The following ATG4C variants were observed in gnomAD, a reference collection of about 807,000 sequenced individuals.
ATG4C encodes the protein autophagy related 4C cysteine peptidase.
A neutral mutation model predicts 57.6 loss-of-function variants in ATG4C; 56 were observed. The observed-to-expected ratio is 0.97, with a 90% confidence interval of 0.78 to 1.21. The LOEUF (loss-of-function observed/expected upper bound fraction) is 1.21. Ranked by LOEUF, ATG4C falls within the 50% of genes most tolerant of loss-of-function variation. The pLI is 0.00. For missense variants in ATG4C, 595 were observed against 529.8 expected, an observed-to-expected ratio of 1.12 and a Z score of -1.21; for synonymous variants, 157 against 174.1, an observed-to-expected ratio of 0.90 and a Z score of 0.78.
At chr1:62,809,645 G>GTA (rs1167154017) in intron 3 of ATG4C, among the ~76,000 whole-genome samples, 2 of 146,626 alleles carry the variant, frequency 1.4e-5, no homozygotes, top group East Asian at 2.0e-4. Context: ...ATACATATAT[G>GTA]TATATATATG....
intron 6 of ATG4C, among the ~76,000 whole-genome samples, chr1:62,826,639 A>C (rs1224207479): frequency 1.3e-5 from 2 of 150,956 alleles, no homozygotes; most frequent in Non-Finnish European, 2.9e-5. Context: ...CATGTACGCA[A>C]CGTGCAGGTT....
chr1:62,801,958 C>CA (rs60298362), intron 1 of ATG4C, among the ~76,000 whole-genome samples: 4,683 of 51,934 alleles, frequency 0.09, 640 homozygotes, highest in Non-Finnish European at 0.11. Context: ...ACTCTGTCTC[C>CA]AAAAAAAAAA....
intron 8 of ATG4C, 98 bp from the exon 9 acceptor site, chr1:62,834,678 C>G: frequency 1.1e-6 from 1 of 935,742 alleles, no homozygotes; most frequent in Non-Finnish European, 1.7e-6. Flanking sequence ...GCTGTTACTC[C>G]CAGATTTTTT....
chr1:62,806,016 T>C (rs1664868535), intron 3 of ATG4C, among the ~76,000 whole-genome samples: 2 of 152,208 alleles, frequency 1.3e-5, no homozygotes, highest in African/African-American at 4.8e-5. Context: ...TTGGTTGACC[T>C]ATTTTGGTAT....
chr1:62,819,501 C>T (rs540728431), intron 5 of ATG4C, among the ~76,000 whole-genome samples, 166 bp downstream of exon 5: 8 of 151,944 alleles, frequency 5.3e-5, no homozygotes, highest in Non-Finnish European at 7.4e-5. Flanking sequence ...AGACATATTG[C>T]GACTCTAGTT....
intron 10 of ATG4C, among the ~76,000 whole-genome samples, chr1:62,842,750 A>G (rs1300020244): frequency 6.6e-6 from 1 of 152,188 alleles, no homozygotes; most frequent in East Asian, 1.9e-4. Context: ...CAGGAAAATG[A>G]ATGAGGAAAG....
rs115112328 is a variant in ATG4C at position 62,805,648 on chromosome 1, G to A, written c.160+393G>A. On this transcript the variant is annotated intron_variant, in intron 3 of 10. Coordinates refer to ENST00000317868, the MANE Select transcript of ATG4C (RefSeq NM_032852.4). Reference sequence around the variant, plus strand: ...TTACTTGATGGTTTTGAATTTCTACGTATATTAATTCTTTCAAAAATTTTC... The same window carrying A: ...TTACTTGATGGTTTTGAATTTCTACATATATTAATTCTTTCAAAAATTTTC... 8.7e-3 allele frequency among the ~76,000 whole-genome samples: 1,330 copies of A among 152,050 alleles called. 28 individuals carry two copies. Among genetic ancestry groups the A allele is most frequent in the African/African-American group, 0.031 (1,268 of 41,472 alleles).
At chr1:62,863,202 C>CT (rs1401336928) in intron 10 of ATG4C, among the ~76,000 whole-genome samples, 6 of 151,398 alleles carry the variant, frequency 4.0e-5, no homozygotes, top group Non-Finnish European at 7.4e-5. Flanking sequence ...CTAGGTATTG[C>CT]TTTTTTTTGT....
intron 4 of ATG4C, among the ~76,000 whole-genome samples, chr1:62,818,342 T>C (rs1377897108): frequency 6.6e-6 from 1 of 152,168 alleles, no homozygotes; most frequent in African/African-American, 2.4e-5. Flanking sequence ...TGAAGATATC[T>C]TCTTATGAGT....
At chr1:62,811,597 C>T (rs1282287897) in intron 3 of ATG4C, among the ~76,000 whole-genome samples, 8 of 152,084 alleles carry the variant, frequency 5.3e-5, no homozygotes, top group Admixed American at 4.6e-4. Context: ...ATGCTATCAC[C>T]TGGCTAGCAT....
intron 10 of ATG4C, among the ~76,000 whole-genome samples, chr1:62,856,465 A>G (rs1252285646): frequency 6.6e-6 from 1 of 152,212 alleles, no homozygotes; most frequent in Non-Finnish European, 1.5e-5. Context: ...GCAATCCTCT[A>G]AGTACTTTAC....
chr1:62,792,158 G>A (rs763942798), intron 1 of ATG4C, among the ~76,000 whole-genome samples: 1 of 151,934 alleles, frequency 6.6e-6, no homozygotes, highest in Non-Finnish European at 1.5e-5. Context: ...CACCATGCCC[G>A]GCTAATTTTT....
At chr1:62,863,612 A>C (rs1416622586) in intron 10 of ATG4C, among the ~76,000 whole-genome samples, 1 of 152,018 alleles carries the variant, frequency 6.6e-6, no homozygotes, top group Non-Finnish European at 1.5e-5. Context: ...AGTCTTCTAC[A>C]ATATTTTATC....
chr1:62,804,765 A>G (rs1664802921), intron 2 of ATG4C, among the ~76,000 whole-genome samples: 1 of 152,238 alleles, frequency 6.6e-6, no homozygotes, highest in Admixed American at 6.5e-5. Context: ...TATTCATAAA[A>G]TAAGTGTGAA....
In ATG4C at chr1:62,831,413, T is replaced by C. The variant is rs562455159; in HGVS notation, c.933+2237T>C. 1.2e-4 allele frequency among the ~76,000 whole-genome samples: 19 copies of C among 152,324 alleles called. No individual in the cohort carries two copies. In the East Asian group the frequency reaches 3.1e-3, roughly 25 times the overall value. On this transcript the variant is annotated intron_variant, in intron 7 of 10. Transcript: ENST00000317868. ...GTGCGTTGGTGAGTCTAAAATGTAC[T>C]GTTCAGTTCTATTTTTCAAATTTAT...
chr1:62,827,491 CTCTT>C (rs986206041), intron 6 of ATG4C, among the ~76,000 whole-genome samples: 2 of 152,110 alleles, frequency 1.3e-5, no homozygotes, highest in African/African-American at 4.8e-5. Flanking sequence ...TCACTCTTCT[CTCTT>C]TGTTTTTTCA....
chr1:62,854,433 A>C (rs1483287801), intron 10 of ATG4C, among the ~76,000 whole-genome samples: 3 of 151,882 alleles, frequency 2.0e-5, no homozygotes, highest in African/African-American at 7.2e-5. Context: ...ACTTGCCACC[A>C]TGCCCGGCTA....
chr1:62,826,445 C>T (rs1665658360), intron 6 of ATG4C, among the ~76,000 whole-genome samples: 1 of 149,248 alleles, frequency 6.7e-6, no homozygotes, highest in Non-Finnish European at 1.5e-5. Flanking sequence ...ACCATGTAAG[C>T]CAGGATGGTC....
intron 6 of ATG4C, among the ~76,000 whole-genome samples, chr1:62,827,381 A>G (rs1665697392): frequency 6.6e-6 from 1 of 152,038 alleles, no homozygotes; most frequent in South Asian, 2.1e-4. Context: ...TGTCTGTATT[A>G]CTTGGTTTCT....
Sources: allele counts gnomAD v4.1 joint callset (sites outside exome capture counted in the v4.1 genomes callset), GRCh38; gene constraint gnomAD v4.1.1; transcripts MANE v1.5; gene names NCBI Gene and HGNC (gene_info 2026-07-23, HGNC 2026-07-21).